TMEM161B: variants seen among roughly 807,000 people sequenced by gnomAD.
TMEM161B encodes the protein transmembrane protein 161B.
Under a neutral mutation model 61.8 loss-of-function variants are expected in TMEM161B, and 34 were observed. That is an observed-to-expected ratio of 0.55 (90% CI 0.42 to 0.73). The LOEUF (loss-of-function observed/expected upper bound fraction) is 0.73, where lower values mean the gene tolerates loss of function less well. Among genes scored for constraint, TMEM161B ranks in the 30% least tolerant of loss-of-function variants. TMEM161B has a pLI of 0.00. For missense variants in TMEM161B, 456 were observed against 558.5 expected (o/e 0.82, Z 1.85); for synonymous variants, 167 against 192.8 (o/e 0.87, Z 1.11).
Position 88,203,036 on chromosome 5 carries a change from C to A in TMEM161B, c.840G>T (p.Met280Ile). Residue 280 changes from methionine (M) to isoleucine (I), a missense_variant, in exon 9 of 12, where the codon ATG (methionine) becomes ATT (isoleucine). Around this residue, in one of 3 missense-constraint regions of TMEM161B, gnomAD observed 367 missense variants for 427.3 expected, o/e 0.86. Coordinates refer to ENST00000296595, the MANE Select transcript of TMEM161B (RefSeq NM_153354.5). Reference sequence around the variant, plus strand: ...TGATTGGTTTTACCCAGAGCAGAACCATAAATAAAGGTGCCAAGAAGTTGA... The same window carrying A: ...TGATTGGTTTTACCCAGAGCAGAACAATAAATAAAGGTGCCAAGAAGTTGA... ...LHINFLAPLF[M>I]VLLWVKPITK... 3 of 1,609,612 alleles carry A rather than the reference C, an allele frequency of 1.9e-6. No homozygotes were observed. The highest frequency in any genetic ancestry group is 2.5e-6 in the Non-Finnish European group (3 of 1,176,640).
chr5:88,191,440 G>C (rs529892895), downstream of TMEM161B, among the ~76,000 whole-genome samples: 24 of 152,202 alleles, frequency 1.6e-4, no homozygotes, highest in African/African-American at 5.1e-4. Context: ...CTGTAGCTAG[G>C]GTGTGTGGAA....
At chr5:88,243,883 T>C (rs144838844) in intron 1 of TMEM161B, among the ~76,000 whole-genome samples, 2 of 152,014 alleles carry the variant, frequency 1.3e-5, no homozygotes, top group African/African-American at 4.8e-5. Flanking sequence ...GTTGGCCACA[T>C]AAATGTCTCC....
chr5:88,242,162 T>C (rs941629864), intron 1 of TMEM161B, among the ~76,000 whole-genome samples: 1 of 151,746 alleles, frequency 6.6e-6, no homozygotes, highest in East Asian at 1.9e-4. Context: ...CTCAACCTCA[T>C]ATTCACAGCC....
chr5:88,225,668 C>G, intron 4 of TMEM161B, 101 bp downstream of exon 4: 1 of 666,182 alleles, frequency 1.5e-6, no homozygotes, highest in Non-Finnish European at 2.5e-6. Context: ...TAGAAAGATT[C>G]CATATTCTCT....
At chr5:88,213,267 TAA>T (rs986444360) in intron 5 of TMEM161B, among the ~76,000 whole-genome samples, 23 of 152,220 alleles carry the variant, frequency 1.5e-4, no homozygotes, top group African/African-American at 5.5e-4. Context: ...ACCTATTAAG[TAA>T]AAGTCTTAAA....
At chr5:88,218,521 C>T (rs181922011) in intron 5 of TMEM161B, among the ~76,000 whole-genome samples, 70 of 152,266 alleles carry the variant, frequency 4.6e-4, no homozygotes, top group African/African-American at 1.6e-3. Flanking sequence ...GGCGCAATGG[C>T]TTACACCTGT....
At chr5:88,197,576 T>G in intron 11 of TMEM161B, 93 bp downstream of exon 11, 1 of 1,047,816 alleles carries the variant, frequency 9.5e-7, no homozygotes, top group South Asian at 1.6e-5. Context: ...GAGAAACAAT[T>G]TTAAGAGTTG....
At chr5:88,231,872 G>T (rs931031978) in intron 2 of TMEM161B, among the ~76,000 whole-genome samples, 95 of 152,114 alleles carry the variant, frequency 6.2e-4, no homozygotes, top group African/African-American at 2.2e-3. Context: ...TCTTTTATGT[G>T]TGTTTCTGTT....
At chr5:88,257,477 T>C (rs73770363) in intron 1 of TMEM161B, among the ~76,000 whole-genome samples, 2,352 of 152,304 alleles carry the variant, frequency 0.015, 70 homozygotes, top group African/African-American at 0.053. Context: ...TTTTAATGCA[T>C]TAAATAATTA....
At chr5:88,244,818 T>C (rs1479382961) in intron 1 of TMEM161B, among the ~76,000 whole-genome samples, 1 of 151,890 alleles carries the variant, frequency 6.6e-6, no homozygotes, top group Admixed American at 6.6e-5. Context: ...CTGATTTCTT[T>C]GAGCAGTATT....
At chr5:88,245,323 T>C (rs1172641932) in intron 1 of TMEM161B, among the ~76,000 whole-genome samples, 4 of 151,912 alleles carry the variant, frequency 2.6e-5, no homozygotes, top group Admixed American at 2.0e-4. Flanking sequence ...GAGTTTCTGA[T>C]AGAAGTTCTA....
chr5:88,240,943 A>G, intron 1 of TMEM161B, 27 bp from the exon 2 acceptor site: 1 of 1,461,590 alleles, frequency 6.8e-7, no homozygotes, highest in Non-Finnish European at 9.2e-7. Context: ...AACAAATTTA[A>G]TAATGAATGA....
At chr5:88,232,394 TAGA>T (rs1456209105) in intron 2 of TMEM161B, among the ~76,000 whole-genome samples, 2 of 152,172 alleles carry the variant, frequency 1.3e-5, no homozygotes, top group Non-Finnish European at 2.9e-5. Context: ...GCATAACATT[TAGA>T]AGAACACTTA....
At chr5:88,213,882 C>G (rs896237483) in intron 5 of TMEM161B, among the ~76,000 whole-genome samples, 2 of 152,144 alleles carry the variant, frequency 1.3e-5, no homozygotes, top group Non-Finnish European at 2.9e-5. Flanking sequence ...GAGTTTCATT[C>G]CTTTTCTCAC....
intron 4 of TMEM161B, chr5:88,221,356 G>A (rs1385290209): frequency 1.7e-5 from 3 of 177,196 alleles, no homozygotes; most frequent in East Asian, 1.4e-4. Flanking sequence ...AAAATTAGCC[G>A]GGCATTGTGG....
Position 88,256,533 on chromosome 5 carries a change from T to C in TMEM161B, c.3+12188A>G, listed in dbSNP as rs116120684. 4.6e-3 allele frequency among the ~76,000 whole-genome samples: 705 copies of C among 152,358 alleles called. 11 individuals carry two copies. Among genetic ancestry groups the C allele is most frequent in the African/African-American group, 0.016 (679 of 41,580 alleles). The stretch of plus-strand genomic sequence containing the variant: ...AAATCAGTTTGTTTAGACCAACTGC[T>C]ACTGAGTCTTCAACATTCATGTGCA... On this transcript the variant is annotated intron_variant, in intron 1 of 11. Transcript: ENST00000296595.
chr5:88,263,828 T>A (rs1019555640), intron 1 of TMEM161B, among the ~76,000 whole-genome samples: 12 of 152,236 alleles, frequency 7.9e-5, no homozygotes, highest in African/African-American at 2.6e-4. Context: ...CAACCAAATA[T>A]TAACCAAGAG....
intron 4 of TMEM161B, among the ~76,000 whole-genome samples, chr5:88,223,633 A>G (rs1749424397): frequency 6.6e-6 from 1 of 152,192 alleles, no homozygotes; most frequent in South Asian, 2.1e-4. Context: ...CATGCCTGTA[A>G]TCTCAGCACT....
intron 1 of TMEM161B, among the ~76,000 whole-genome samples, chr5:88,244,450 G>T (rs964755096): frequency 4.0e-5 from 6 of 151,788 alleles, no homozygotes; most frequent in African/African-American, 1.2e-4. Context: ...TTGCAGGTGT[G>T]TGGCATTATT....
Sources: gnomAD v4.1 joint callset for allele counts (sites outside exome capture counted in the v4.1 genomes callset) on GRCh38, gnomAD v4.1.1 for gene constraint, gnomAD v4.1.1 regional missense constraint, MANE v1.5 for transcripts, NCBI Gene and HGNC (gene_info 2026-07-23, HGNC 2026-07-21) for gene names.